Variants in PLD5 observed in about 807,000 individuals in gnomAD.
PLD5 encodes inactive phospholipase D5.
PLD5 carries 36 observed loss-of-function variants against 61.1 expected under a neutral mutation model. The observed-to-expected ratio is 0.59, with a 90% CI of 0.45 to 0.78. The LOEUF is 0.78. Among genes scored for constraint, PLD5 ranks in the 30% least tolerant of loss-of-function variants. PLD5 has a pLI of 0.00. For missense variants in PLD5, 515 were observed against 644.4 expected (o/e 0.80, Z 2.17); for synonymous variants, 243 against 242.8 (o/e 1.00, Z -0.01).
chr1:242,481,849 T>G (rs528189107), intron 1 of PLD5, among the ~76,000 whole-genome samples: 3 of 152,242 alleles, frequency 2.0e-5, no homozygotes, highest in African/African-American at 7.2e-5. Context: ...CAGGTACTCC[T>G]CTCAGACAAA....
intron 1 of PLD5, among the ~76,000 whole-genome samples, chr1:242,443,371 C>T (rs1326236174): frequency 6.6e-6 from 1 of 152,152 alleles, no homozygotes; most frequent in Non-Finnish European, 1.5e-5. Context: ...AATAGATATG[C>T]TCTCCTTATA....
chr1:242,495,562 G>C (rs143645828), intron 1 of PLD5, among the ~76,000 whole-genome samples: 21 of 151,990 alleles, frequency 1.4e-4, no homozygotes, highest in African/African-American at 5.1e-4. Context: ...ATTTTAGAAC[G>C]TCTTTACCAT....
At chr1:242,431,513 G>A (rs989398014) in intron 1 of PLD5, among the ~76,000 whole-genome samples, 1 of 152,188 alleles carries the variant, frequency 6.6e-6, no homozygotes, top group Admixed American at 6.5e-5. Context: ...AATATGTGGT[G>A]CATGTGACGC....
chr1:242,391,429 A>G (rs1166257028), intron 1 of PLD5, among the ~76,000 whole-genome samples: 2 of 152,232 alleles, frequency 1.3e-5, no homozygotes, highest in African/African-American at 4.8e-5. Context: ...AAAAATAAGG[A>G]TATTTTAAAC....
chr1:242,455,278 T>C, intron 1 of PLD5, among the ~76,000 whole-genome samples: 1 of 152,228 alleles, frequency 6.6e-6, no homozygotes, highest in East Asian at 1.9e-4. Flanking sequence ...AGCATTAAGA[T>C]ACTTGATTTT....
intron 1 of PLD5, among the ~76,000 whole-genome samples, chr1:242,438,419 A>T (rs1048980401): frequency 6.9e-6 from 1 of 144,458 alleles, no homozygotes; most frequent in Non-Finnish European, 1.5e-5. Context: ...CTGAGCTGCC[A>T]TGCCTGGCTA....
chr1:242,184,460 C>G (rs1667746174), intron 5 of PLD5, among the ~76,000 whole-genome samples: 1 of 152,154 alleles, frequency 6.6e-6, no homozygotes, highest in Non-Finnish European at 1.5e-5. Flanking sequence ...TCTCCACCTG[C>G]TGGGTTCAAG....
chr1:242,480,845 C>T (rs1432873088), intron 1 of PLD5, among the ~76,000 whole-genome samples: 1 of 152,202 alleles, frequency 6.6e-6, no homozygotes, highest in Non-Finnish European at 1.5e-5. Flanking sequence ...GAAGGCTCTA[C>T]ATAGCATGTG....
At position 242,091,828 on chromosome 1, in the gene PLD5, T is replaced by TC. The variant is rs796859266; in HGVS notation, c.1355-1719_1355-1718insG. 3.2e-3 allele frequency among the ~76,000 whole-genome samples: 477 copies of TC among 149,886 alleles called. 2 individuals carry two copies. The highest frequency in any genetic ancestry group is 0.011 in the African/African-American group (461 of 40,816). ...TTCTTCTTTTTCTTTTCTTTTCTTT[T>TC]TTTCTTTTTTTTTTTTTTTGAGATA... On this transcript the variant is annotated intron_variant, in intron 9 of 9. Transcript: ENST00000536534.
intron 1 of PLD5, among the ~76,000 whole-genome samples, chr1:242,457,954 C>A (rs1177183174): frequency 1.3e-5 from 2 of 152,196 alleles, no homozygotes; most frequent in African/African-American, 4.8e-5. Flanking sequence ...GTTGTCCTGA[C>A]CAACCTTCAG....
At chr1:242,381,745 C>T (rs1662290374) in intron 1 of PLD5, among the ~76,000 whole-genome samples, 1 of 152,126 alleles carries the variant, frequency 6.6e-6, no homozygotes, top group African/African-American at 2.4e-5. Context: ...ATCTTCCAAC[C>T]TGCTAGACTA....
At chr1:242,492,416 G>A (rs1558144562) in intron 1 of PLD5, among the ~76,000 whole-genome samples, 3 of 151,602 alleles carry the variant, frequency 2.0e-5, no homozygotes, top group Admixed American at 2.0e-4. Flanking sequence ...CAGCTACTCA[G>A]GAGATTGAGG....
intron 6 of PLD5, among the ~76,000 whole-genome samples, chr1:242,122,588 C>T (rs912519281): frequency 6.6e-6 from 1 of 152,070 alleles, no homozygotes; most frequent in South Asian, 2.1e-4. Flanking sequence ...CTTATAGGGT[C>T]ATCTTGAGAT....
intron 1 of PLD5, among the ~76,000 whole-genome samples, chr1:242,369,165 C>CT (rs1661497611): frequency 6.6e-6 from 1 of 152,064 alleles, no homozygotes; most frequent in Non-Finnish European, 1.5e-5. Flanking sequence ...GAAAGGAAAA[C>CT]TTTAATAGTG....
intron 2 of PLD5, among the ~76,000 whole-genome samples, chr1:242,314,827 T>A (rs1341246548): frequency 6.6e-6 from 1 of 152,134 alleles, no homozygotes; most frequent in East Asian, 1.9e-4. Flanking sequence ...AAGCTTTTTT[T>A]TTTTCTAAGT....
At chr1:242,391,162 T>TC (rs1229336733) in intron 1 of PLD5, among the ~76,000 whole-genome samples, 2 of 152,156 alleles carry the variant, frequency 1.3e-5, no homozygotes, top group Non-Finnish European at 2.9e-5. Flanking sequence ...ACCACTGCAC[T>TC]CCAGCCTGGG....
intron 1 of PLD5, among the ~76,000 whole-genome samples, chr1:242,512,225 C>A (rs990439584): frequency 7.6e-4 from 114 of 149,322 alleles, no homozygotes; most frequent in Non-Finnish European, 1.3e-3. Context: ...TCCTGGCTAA[C>A]ACGGTGAAAC....
In PLD5 at chr1:242,189,755, C is replaced by T. The variant is rs145574770; in HGVS notation, c.735+30233G>A. ...GCTGGGGAGGTCAGTGCAGGCTGCT[C>T]TGAGGGGGCAGCACTGAGCACAGGC... On this transcript the variant is annotated intron_variant, in intron 5 of 9. Coordinates refer to ENST00000536534, the MANE Select transcript of PLD5 (RefSeq NM_001372062.1). Among the ~76,000 whole-genome samples, 6 of 152,256 alleles carry T rather than the reference C, an allele frequency of 3.9e-5. No individual in the cohort carries two copies. In the East Asian group the frequency reaches 1.2e-3, roughly 30 times the overall value.
chr1:242,268,134 A>G (rs1673812606), intron 3 of PLD5, among the ~76,000 whole-genome samples: 1 of 152,164 alleles, frequency 6.6e-6, no homozygotes. Context: ...ATTGACACCA[A>G]TAATACCTCC....
Sources: allele counts gnomAD v4.1 joint callset (sites outside exome capture counted in the v4.1 genomes callset), GRCh38; gene constraint gnomAD v4.1.1; transcripts MANE v1.5; gene names NCBI Gene and HGNC (gene_info 2026-07-23, HGNC 2026-07-21).